PITPNC1: variants seen among roughly 807,000 people sequenced by gnomAD.
PITPNC1 encodes the protein phosphatidylinositol transfer protein cytoplasmic 1.
In PITPNC1, 18 loss-of-function variants were observed where a neutral mutation model predicts 44.7. The observed-to-expected ratio is 0.40, with a 90% CI of 0.28 to 0.60. The LOEUF (loss-of-function observed/expected upper bound fraction) is 0.60. PITPNC1 is among the 20% of genes least tolerant of loss of function. The pLI is 0.39. For synonymous variants in PITPNC1, 141 were observed against 149.6 expected, an observed-to-expected ratio of 0.94 and a Z score of 0.42; for missense variants, 290 against 418.4, an observed-to-expected ratio of 0.69 and a Z score of 2.68.
chr17:67,674,086 A>G (rs2042560803), intron 7 of PITPNC1, among the ~76,000 whole-genome samples: 1 of 152,096 alleles, frequency 6.6e-6, no homozygotes, highest in Admixed American at 6.6e-5. Context: ...AGATGTTTTC[A>G]TAAGGCCTGC....
At chr17:67,584,749 G>A (rs944403503) in intron 5 of PITPNC1, among the ~76,000 whole-genome samples, 2 of 152,142 alleles carry the variant, frequency 1.3e-5, no homozygotes, top group African/African-American at 2.4e-5. Flanking sequence ...ACCATTTGCT[G>A]TTCAACAAGT....
In PITPNC1 at chr17:67,578,249, A is replaced by G; in HGVS notation, c.358A>G (p.Asn120Asp). ...ETKYEDNKGS[N>D]DTIFDNEAKD... ...CAAGTATGAGGACAACAAAGGAAGC[A>G]ATGACACCGTGAGTAGCCCCTCCTT... is the stretch of plus-strand genomic sequence containing the variant. Residue 120 changes from asparagine to aspartate, a missense_variant, in exon 5 of 9, where the codon AAT becomes GAT. Transcript: ENST00000581322. The G allele has an allele frequency of 6.2e-7, 1 of 1,609,754 alleles. No homozygotes were observed. Among genetic ancestry groups the G allele is most frequent in the South Asian group, 1.1e-5 (1 of 91,012 alleles).
At chr17:67,382,370 TG>T (rs976855918) in intron 1 of PITPNC1, among the ~76,000 whole-genome samples, 2 of 150,970 alleles carry the variant, frequency 1.3e-5, no homozygotes, top group African/African-American at 4.9e-5. Flanking sequence ...TGTGTGTGTG[TG>T]TTTTAGACAT....
intron 6 of PITPNC1, among the ~76,000 whole-genome samples, chr17:67,652,033 T>G (rs1392843688): frequency 4.6e-5 from 7 of 152,348 alleles, no homozygotes; most frequent in African/African-American, 1.7e-4. Flanking sequence ...ATTTTAGGGC[T>G]GAGGGTTATA....
At chr17:67,514,734 G>A (rs1415331995) in intron 1 of PITPNC1, among the ~76,000 whole-genome samples, 3 of 152,048 alleles carry the variant, frequency 2.0e-5, no homozygotes, top group South Asian at 2.1e-4. Context: ...GCTGAGGCAC[G>A]AGAATCGCTT....
intron 4 of PITPNC1, among the ~76,000 whole-genome samples, chr17:67,571,532 A>G (rs1220198611): frequency 6.6e-6 from 1 of 152,202 alleles, no homozygotes; most frequent in Non-Finnish European, 1.5e-5. Context: ...TCCTTGGCTC[A>G]GGCAACTCAC....
chr17:67,477,221 G>T (rs2144019513), intron 1 of PITPNC1, among the ~76,000 whole-genome samples: 1 of 149,306 alleles, frequency 6.7e-6, no homozygotes, highest in East Asian at 2.0e-4. Context: ...GACTACAGGT[G>T]TGTGCCAACA....
chr17:67,382,996 ATTTG>A (rs1272201683), intron 1 of PITPNC1, among the ~76,000 whole-genome samples: 3 of 150,160 alleles, frequency 2.0e-5, no homozygotes, highest in East Asian at 2.0e-4. Context: ...TTATTTATTT[ATTTG>A]TTTGTTTATT....
chr17:67,685,841 T>G (rs1370299571), intron 8 of PITPNC1, among the ~76,000 whole-genome samples: 2 of 151,736 alleles, frequency 1.3e-5, no homozygotes, highest in Non-Finnish European at 1.5e-5. Flanking sequence ...GGTTGGTTGG[T>G]TTTTTTTGAG....
intron 1 of PITPNC1, among the ~76,000 whole-genome samples, chr17:67,390,858 T>C (rs1440414479): frequency 6.6e-6 from 1 of 152,178 alleles, no homozygotes. Flanking sequence ...CAAGACTGTT[T>C]GTTGACTTAG....
intron 1 of PITPNC1, among the ~76,000 whole-genome samples, chr17:67,504,804 C>T (rs977169986): frequency 2.0e-4 from 31 of 151,922 alleles, no homozygotes; most frequent in African/African-American, 3.9e-4. Context: ...TTTTTTGTTC[C>T]GCTGTCTTCA....
intron 5 of PITPNC1, among the ~76,000 whole-genome samples, chr17:67,604,395 T>A (rs2041582505): frequency 6.6e-6 from 1 of 152,188 alleles, no homozygotes; most frequent in Non-Finnish European, 1.5e-5. Context: ...GGTTGTTTCT[T>A]ATGAAAGCAG....
In PITPNC1 at chr17:67,385,889, A is replaced by G. The variant is rs972688550; in HGVS notation, c.48+7687A>G. Among the ~76,000 whole-genome samples, 93 of 152,324 alleles carry G rather than the reference A, an allele frequency of 6.1e-4. 1 individual carries two copies. Among genetic ancestry groups the G allele is most frequent in the African/African-American group, 2.2e-3 (92 of 41,588 alleles). ...TGAAATTGACTCTGTCCATGAAGGA[A>G]GCTGCATTTTCCCAGTGACTTGGGT... On this transcript the variant is annotated intron_variant, in intron 1 of 8. Coordinates refer to ENST00000581322, the MANE Select transcript of PITPNC1 (RefSeq NM_012417.4).
At chr17:67,470,804 G>A (rs568496223) in intron 1 of PITPNC1, among the ~76,000 whole-genome samples, 63 of 150,346 alleles carry the variant, frequency 4.2e-4, no homozygotes, top group African/African-American at 1.4e-3. Flanking sequence ...GATGGTTGCC[G>A]TGTCTGTGTA....
At chr17:67,621,518 CTTT>C (rs2041830328) in intron 5 of PITPNC1, among the ~76,000 whole-genome samples, 1 of 152,016 alleles carries the variant, frequency 6.6e-6, no homozygotes, top group Non-Finnish European at 1.5e-5. Flanking sequence ...TGAAACATAT[CTTT>C]TAGTACTTTA....
chr17:67,614,036 A>G (rs1332000852), intron 5 of PITPNC1, among the ~76,000 whole-genome samples: 1 of 140,764 alleles, frequency 7.1e-6, no homozygotes, highest in African/African-American at 2.6e-5. Flanking sequence ...ACAGTGACCC[A>G]TGATCGCGCC....
intron 6 of PITPNC1, among the ~76,000 whole-genome samples, chr17:67,659,235 T>C (rs1357393148): frequency 2.0e-5 from 3 of 152,194 alleles, no homozygotes; most frequent in Non-Finnish European, 4.4e-5. Flanking sequence ...ATTTAGTGGC[T>C]TAAAACAATG....
Position 67,395,252 on chromosome 17 carries a change from C to T in PITPNC1, c.48+17050C>T, listed in dbSNP as rs751100043. 2.0e-4 allele frequency among the ~76,000 whole-genome samples: 30 copies of T among 151,862 alleles called. No individual in the cohort carries two copies. The South Asian group carries it at 2.3e-3, about 12-fold the overall frequency. ...CATTGTAGCCTCACACTTCTGGGCT[C>T]ATGCTATCCTCCTGAGTAGCTAGGA... On this transcript the variant is annotated intron_variant, in intron 1 of 8. Transcript: ENST00000581322.
chr17:67,469,426 C>T (rs1568002321), intron 1 of PITPNC1, among the ~76,000 whole-genome samples: 3 of 152,176 alleles, frequency 2.0e-5, no homozygotes, highest in Admixed American at 1.3e-4. Context: ...CTGCAGCCCC[C>T]GCCCAGCTTG....
Sources: gnomAD v4.1 joint callset for allele counts (sites outside exome capture counted in the v4.1 genomes callset) on GRCh38, gnomAD v4.1.1 for gene constraint, MANE v1.5 for transcripts, NCBI Gene and HGNC (gene_info 2026-07-23, HGNC 2026-07-21) for gene names.